Variants in CYP2B6 observed in about 807,000 individuals in gnomAD.
CYP2B6 encodes cytochrome P450 family 2 subfamily B member 6, also known as cytochrome P450 2B6.
In CYP2B6, 35 loss-of-function variants were observed where a neutral mutation model predicts 43.4. The ratio of observed to expected loss-of-function variants is 0.81; its 90% CI spans 0.62 to 1.07. The LOEUF is 1.07. CYP2B6 is among the 50% of genes least tolerant of loss of function. CYP2B6 has a pLI of 0.00. For synonymous variants in CYP2B6, 239 were observed against 239.2 expected (o/e 1.00, Z 0.01); for missense variants, 624 against 632.8 (o/e 0.99, Z 0.15).
intron 8 of CYP2B6, among the ~76,000 whole-genome samples, chr19:41,013,569 C>T (rs138423652): frequency 1.3e-5 from 2 of 152,084 alleles, no homozygotes; most frequent in African/African-American, 2.4e-5. Flanking sequence ...TCCAGTGAGC[C>T]TTGGGTGTAG....
chr19:41,009,740 C>T (rs1368049499), intron 5 of CYP2B6: 30 of 596,052 alleles, frequency 5.0e-5, no homozygotes, highest in East Asian at 2.6e-4. Flanking sequence ...CAGAAAGAGA[C>T]GGGGACAAAA....
intron 8 of CYP2B6, among the ~76,000 whole-genome samples, chr19:41,016,399 CAAAAAAAAAA>C (rs869180190): frequency 2.1e-4 from 16 of 76,872 alleles, no homozygotes; most frequent in South Asian, 4.1e-4. Flanking sequence ...GACTCCATCT[CAAAAAAAAAA>C]AAAAAAAAAA....
intron 4 of CYP2B6, among the ~76,000 whole-genome samples, chr19:41,008,368 C>T (rs1381301656): frequency 6.9e-6 from 1 of 144,058 alleles, no homozygotes; most frequent in African/African-American, 2.7e-5. Flanking sequence ...AGCGCCACCA[C>T]ACCCAGCTAA....
chr19:41,013,340 G>A (rs1389814080), intron 8 of CYP2B6, among the ~76,000 whole-genome samples: 1 of 152,186 alleles, frequency 6.6e-6, no homozygotes, highest in Admixed American at 6.5e-5. Context: ...TGTGATAAGT[G>A]CTCTAAAGGG....
rs528886765 is a variant in CYP2B6 at position 41,017,103 on chromosome 19, C to T, written c.*276C>T. On this transcript the variant is annotated 3_prime_UTR_variant, in exon 9 of 9. Transcript: ENST00000324071. ...TGTTGCCCAGGCTGGAGTGCAGTGG[C>T]GTGATCTCGGCTCACTGCAACCTCC... The T allele has an allele frequency of 1.5e-3, 356 of 241,772 alleles. 1 individual carries two copies. Among genetic ancestry groups the T allele is most frequent in the African/African-American group, 7.4e-3 (330 of 44,360 alleles). The allele number at this position is 241,772 out of a possible 1,614,324, so 15.0% of individuals were successfully genotyped here. A position where few individuals can be genotyped will look rare whatever the true frequency, so the allele number is the denominator to read the frequency against.
intron 8 of CYP2B6, among the ~76,000 whole-genome samples, chr19:41,016,433 A>AAAAAAAGAGAG (rs1568564700): frequency 5.5e-4 from 54 of 98,878 alleles, no homozygotes; most frequent in African/African-American, 2.1e-3. Flanking sequence ...AAAAAAAAAA[A>AAAAAAAGAGAG]AGAGAGAGAG....
Position 41,012,280 on chromosome 19 carries a change from G to T in CYP2B6, c.965-18G>T. 3 of 1,613,298 alleles carry T rather than the reference G, an allele frequency of 1.9e-6. No individual in the cohort carries two copies. Among genetic ancestry groups the T allele is most frequent in the Non-Finnish European group, 2.5e-6 (3 of 1,179,404 alleles). On this transcript the variant is annotated intron_variant, in intron 6 of 8. Transcript: ENST00000324071. ...TGCCTCTTTAAAATGAGATTCATTG[G>T]TCTTCTTTTCTGTACAGAGAGAGTC... is the stretch of plus-strand genomic sequence containing the variant.
chr19:40,998,634 T>C (rs531111560), intron 1 of CYP2B6, among the ~76,000 whole-genome samples: 1 of 142,110 alleles, frequency 7.0e-6, no homozygotes, highest in South Asian at 2.5e-4. Context: ...CCATGTGATC[T>C]CATTGTTCAA....
At chr19:40,991,511 T>G (rs369365045) in intron 1 of CYP2B6, 35 bp downstream of exon 1, 2 of 1,610,224 alleles carry the variant, frequency 1.2e-6, no homozygotes, top group Non-Finnish European at 1.7e-6. Flanking sequence ...GAGGGTGAGC[T>G]GCTTCTTGCC....
In CYP2B6 at chr19:41,010,839, C is replaced by T. The variant is rs1440500507; in HGVS notation, c.964+704C>T. On this transcript the variant is annotated intron_variant, in intron 6 of 8. Coordinates refer to ENST00000324071, the MANE Select transcript of CYP2B6 (RefSeq NM_000767.5). ...TCTTCACTGTGTATCATTCCTCTCT[C>T]TGTGTCCATGTGTACACATTTTGTA... Among the ~76,000 whole-genome samples, 8 of 152,122 alleles carry T rather than the reference C, an allele frequency of 5.3e-5. No individual in the cohort carries two copies. The East Asian group carries it at 1.2e-3, about 22-fold the overall frequency.
intron 1 of CYP2B6, among the ~76,000 whole-genome samples, chr19:40,997,450 C>T (rs1455149006): frequency 6.6e-6 from 1 of 152,024 alleles, no homozygotes; most frequent in Non-Finnish European, 1.5e-5. Context: ...TATCCTTTTA[C>T]TATTAATAGA....
At chr19:41,001,643 C>T (rs1220888747) in intron 1 of CYP2B6, among the ~76,000 whole-genome samples, 5 of 152,064 alleles carry the variant, frequency 3.3e-5, no homozygotes, top group South Asian at 4.1e-4. Context: ...ATAATAAGTG[C>T]TCATTAAATG....
chr19:41,009,745 A>G (rs1215683890), intron 5 of CYP2B6: 1 of 599,264 alleles, frequency 1.7e-6, no homozygotes, highest in Non-Finnish European at 2.9e-6. Context: ...AGAGACGGGG[A>G]CAAAAAGAGA....
At chr19:41,004,990 C>T (rs1969154007) in intron 3 of CYP2B6, among the ~76,000 whole-genome samples, 1 of 152,100 alleles carries the variant, frequency 6.6e-6, no homozygotes, top group African/African-American at 2.4e-5. Flanking sequence ...GAGCAAGATC[C>T]TGTCTCAAAC....
In CYP2B6 at chr19:41,012,482, C is replaced by T. The variant is rs769148740; in HGVS notation, c.1149C>T (p.Pro383=). ...CCAGCTTCCGAGGGTACATCATCCC[C>T]AAGGTAAGACCGGCTGGAACCCCAT... ...QHTSFRGYII[P]KDTEVFLILS... The change falls in exon 7 of 9, where the codon CCC becomes CCT. Residue 383 remains proline, a synonymous_variant. Transcript: ENST00000324071. The T allele has an allele frequency of 1.2e-5, 20 of 1,614,116 alleles. No homozygotes were observed. Among genetic ancestry groups the T allele is most frequent in the Admixed American group, 3.3e-5 (2 of 60,024 alleles).
chr19:40,996,018 C>T (rs1968994793), intron 1 of CYP2B6, among the ~76,000 whole-genome samples: 1 of 152,090 alleles, frequency 6.6e-6, no homozygotes, highest in Admixed American at 6.6e-5. Context: ...AGTTAAATAA[C>T]ATTTCTTACA....
chr19:40,998,994 C>T (rs1162569528), intron 1 of CYP2B6, among the ~76,000 whole-genome samples: 6 of 136,720 alleles, frequency 4.4e-5, no homozygotes, highest in Middle Eastern at 3.6e-3. Flanking sequence ...CCTGAGGAAT[C>T]GCCACACTGA....
At chr19:41,001,654 G>A (rs141728245) in intron 1 of CYP2B6, among the ~76,000 whole-genome samples, 2 of 152,192 alleles carry the variant, frequency 1.3e-5, no homozygotes, top group African/African-American at 2.4e-5. Context: ...TCATTAAATG[G>A]CAACTACCTT....
intron 1 of CYP2B6, among the ~76,000 whole-genome samples, chr19:40,996,447 A>G (rs1476431312): frequency 6.6e-6 from 1 of 152,126 alleles, no homozygotes; most frequent in Non-Finnish European, 1.5e-5. Context: ...TTGTGCATAG[A>G]AATGCTTTAA....
Sources: gnomAD v4.1 joint callset for allele counts (sites outside exome capture counted in the v4.1 genomes callset) on GRCh38, gnomAD v4.1.1 for gene constraint, MANE v1.5 for transcripts, NCBI Gene and HGNC (gene_info 2026-07-23, HGNC 2026-07-21) for gene names.